Variants in JAKMIP3 observed in about 807,000 individuals in gnomAD.
JAKMIP3 encodes the protein janus kinase and microtubule-interacting protein 3.
JAKMIP3 carries 58 observed loss-of-function variants against 118.5 expected under a neutral mutation model. The observed-to-expected ratio is 0.49, with a 90% CI of 0.40 to 0.61. The LOEUF is 0.61. Among genes scored for constraint, JAKMIP3 ranks in the 20% least tolerant of loss-of-function variants. The pLI, the probability that JAKMIP3 is intolerant of heterozygous loss-of-function variation, is 0.00. For missense variants in JAKMIP3, 950 were observed against 1,109.0 expected, an observed-to-expected ratio of 0.86 and a Z score of 2.04; for synonymous variants, 486 against 451.2, an observed-to-expected ratio of 1.08 and a Z score of -0.98.
intron 1 of JAKMIP3, among the ~76,000 whole-genome samples, chr10:132,097,584 G>A (rs1285263018): frequency 6.6e-6 from 1 of 152,108 alleles, no homozygotes; most frequent in Non-Finnish European, 1.5e-5. Flanking sequence ...CAATAACAGG[G>A]ACCCTTGTAG....
intron 19 of JAKMIP3, among the ~76,000 whole-genome samples, chr10:132,156,312 T>G (rs530606962): frequency 6.6e-6 from 1 of 152,292 alleles, no homozygotes; most frequent in Admixed American, 6.5e-5. Flanking sequence ...ATTGCTGGCA[T>G]GGACAGGTTC....
Position 132,166,995 on chromosome 10 carries a change from T to C in JAKMIP3, c.2503T>C (p.Phe835Leu). The change falls in exon 22 of 24, where the codon TTC (phenylalanine) becomes CTC (leucine). Residue 835 changes from phenylalanine (F) to leucine (L), a missense_variant. Physicochemically the swap from Phe to Leu is conservative, Grantham distance 22. Transcript: ENST00000684848. ...KELEEKFLFL[F>L]LFFSLAFILW... is the part of the protein sequence containing the mutation. Reference sequence around the variant, plus strand: ...CTTTCCGTTTCAGTTTCTATTTTTGTTCTTATTTTTCTCCTTAGCTTTCAT... The same window carrying C: ...CTTTCCGTTTCAGTTTCTATTTTTGCTCTTATTTTTCTCCTTAGCTTTCAT... 1 of 1,547,442 alleles carries C rather than the reference T, an allele frequency of 6.5e-7. No homozygotes were observed. The highest frequency in any genetic ancestry group is 8.7e-7 in the Non-Finnish European group (1 of 1,143,184).
intron 13 of JAKMIP3, 107 bp downstream of exon 13, chr10:132,145,687 A>T (rs1358152071): frequency 5.4e-6 from 5 of 933,782 alleles, no homozygotes. Flanking sequence ...AGGCTTCTGA[A>T]TGGCTGTCCC....
chr10:132,181,013 AGT>A (rs200096091), intron 23 of JAKMIP3, among the ~76,000 whole-genome samples: 2 of 151,918 alleles, frequency 1.3e-5, no homozygotes, highest in Non-Finnish European at 2.9e-5. Context: ...ATGCATGTGC[AGT>A]GTGTATGTGC....
chr10:132,075,178 G>C (rs78922328), intron 1 of JAKMIP3, among the ~76,000 whole-genome samples: 7 of 152,026 alleles, frequency 4.6e-5, no homozygotes, highest in Non-Finnish European at 1.0e-4. Context: ...TTAATTTTAA[G>C]GTTGTTTTTT....
Position 132,137,241 on chromosome 10 carries a change from C to T in JAKMIP3, c.1249-13C>T. 6.2e-7 allele frequency: 1 copy of T among 1,613,934 alleles called. No individual in the cohort carries two copies. On this transcript the variant is annotated splice_polypyrimidine_tract_variant and intron_variant, in intron 7 of 23. Transcript: ENST00000684848. ...CCTGAGCAATTCCGTAACATGCTGT[C>T]TTCCTTTCCTAGACCCTTGAGACCG...
intron 23 of JAKMIP3, among the ~76,000 whole-genome samples, chr10:132,176,581 A>G (rs2060157342): frequency 6.6e-6 from 1 of 152,138 alleles, no homozygotes; most frequent in African/African-American, 2.4e-5. Flanking sequence ...ACACGTTTCC[A>G]CAACGCAGAC....
chr10:132,169,184 C>T (rs2059223747), intron 23 of JAKMIP3, among the ~76,000 whole-genome samples, 151 bp downstream of exon 23: 1 of 152,188 alleles, frequency 6.6e-6, no homozygotes, highest in Non-Finnish European at 1.5e-5. Flanking sequence ...TCTCCCGCCA[C>T]TGACGGGACA....
intron 19 of JAKMIP3, among the ~76,000 whole-genome samples, chr10:132,159,698 G>T (rs1247280997): frequency 9.0e-6 from 1 of 111,110 alleles, no homozygotes; most frequent in African/African-American, 3.6e-5. Context: ...TGCTCAGGGG[G>T]CCTCTCCCTG....
At chr10:132,148,386 C>T (rs993184693) in intron 14 of JAKMIP3, among the ~76,000 whole-genome samples, 3 of 152,168 alleles carry the variant, frequency 2.0e-5, no homozygotes, top group Admixed American at 6.5e-5. Context: ...AACAAAAGCA[C>T]GACGGGTGAC....
intron 2 of JAKMIP3, among the ~76,000 whole-genome samples, chr10:132,105,782 C>T (rs1036197544): frequency 1.3e-5 from 2 of 152,162 alleles, no homozygotes; most frequent in African/African-American, 4.8e-5. Context: ...AGGTGCCTGC[C>T]GTGGGCTTGG....
chr10:132,159,795 GGGGGGCCTCTCGCTGTGTGATGCT>G (rs2057781955), intron 19 of JAKMIP3, among the ~76,000 whole-genome samples: 4 of 52,240 alleles, frequency 7.7e-5, no homozygotes, highest in Non-Finnish European at 1.6e-4. Context: ...GTGTGATGCT[GGGGGGCCTCTCGCTGTGTGATGCT>G]GGGGGGCCTC....
chr10:132,141,931 G>A lies in JAKMIP3; in HGVS notation c.1485G>A (p.Lys495=), dbSNP rs778711989. 6 of 1,593,304 alleles carry A rather than the reference G, an allele frequency of 3.8e-6. No homozygotes were observed. In the Admixed American group the frequency reaches 8.8e-5, roughly 23 times the overall value. Residue 495 remains lysine, a synonymous_variant, in exon 11 of 24, where the codon AAG becomes AAA. Coordinates refer to ENST00000684848, the MANE Select transcript of JAKMIP3 (RefSeq NM_001323087.2). ...PDDDLEEGMA[K]EETELRFRQL... ...CCGTGTCTCTCCAGGGCATGGCCAA[G>A]GAGGAGACGGAGCTGAGGTTCCGGC...
At position 132,112,824 on chromosome 10, in the gene JAKMIP3, G is replaced by A. The variant is rs915170752; in HGVS notation, c.136-4253G>A. On this transcript the variant is annotated intron_variant, in intron 2 of 23. Transcript: ENST00000684848. This position sits in a 1 kb window ranked among gnomAD's most constrained non-coding sequence, Gnocchi z 4.3. ...GGACGCATCTGACTCTCCAGCCGCC[G>A]CTTCTTGGTCAGCCTGCCTCTGCCT... Among the ~76,000 whole-genome samples, 4 of 152,142 alleles carry A rather than the reference G, an allele frequency of 2.6e-5. No homozygotes were observed. The highest frequency in any genetic ancestry group is 4.4e-5 in the Non-Finnish European group (3 of 68,016).
At position 132,147,985 on chromosome 10, in the gene JAKMIP3, A is replaced by G. The variant is rs371971797; in HGVS notation, c.1783A>G (p.Arg595Gly). The change falls in exon 14 of 24, where the codon AGA becomes GGA. Residue 595 changes from arginine (R) to glycine (G), a missense_variant. Arg to Gly is a moderately radical substitution (Grantham distance 125). Transcript: ENST00000684848. ...AATGGAGACGGAAGAGGCTCGGCTC[A>G]GACACGAGGTGCAGGACGCCAGAGA... is the stretch of plus-strand genomic sequence containing the variant. Reference protein sequence around the residue: ...KQMETEEARLRHEVQDARDQN... With the variant: ...KQMETEEARLGHEVQDARDQN... The G allele has an allele frequency of 6.6e-5, 107 of 1,610,756 alleles. No homozygotes were observed. The highest frequency in any genetic ancestry group is 1.0e-4 in the Admixed American group (6 of 59,566).
chr10:132,180,758 T>TGTGTGTGTGC (rs1334620400), intron 23 of JAKMIP3, among the ~76,000 whole-genome samples: 1 of 18,060 alleles, frequency 5.5e-5, no homozygotes, highest in Non-Finnish European at 1.0e-4. Context: ...CGCGCGTGTG[T>TGTGTGTGTGC]GCGTGTGTGT....
At chr10:132,115,620 G>A (rs921346235) in intron 2 of JAKMIP3, among the ~76,000 whole-genome samples, 8 of 152,208 alleles carry the variant, frequency 5.3e-5, no homozygotes, top group African/African-American at 1.4e-4. Flanking sequence ...TGTCATTCAC[G>A]TAAAGGAAAT....
At chr10:132,100,852 T>C (rs2044772739) in intron 1 of JAKMIP3, among the ~76,000 whole-genome samples, 1 of 142,894 alleles carries the variant, frequency 7.0e-6, no homozygotes, top group African/African-American at 2.5e-5. Context: ...CTCCCCGTTC[T>C]CTCTGCATGA....
intron 19 of JAKMIP3, among the ~76,000 whole-genome samples, chr10:132,154,382 G>A (rs1488644729): frequency 6.6e-6 from 1 of 152,224 alleles, no homozygotes; most frequent in East Asian, 1.9e-4. Flanking sequence ...TGGGACAACA[G>A]CCTGCTCACT....
Sources: allele counts gnomAD v4.1 joint callset (sites outside exome capture counted in the v4.1 genomes callset), GRCh38; gene constraint gnomAD v4.1.1; non-coding constraint Gnocchi (gnomAD v3.1); transcripts MANE v1.5; gene names NCBI Gene and HGNC (gene_info 2026-07-23, HGNC 2026-07-21).